LRP1B: variants seen among roughly 807,000 people sequenced by gnomAD.
LRP1B encodes LDL receptor related protein 1B, also known as low-density lipoprotein receptor-related protein 1B.
Under a neutral mutation model 556.6 loss-of-function variants are expected in LRP1B, and 217 were observed. The observed-to-expected ratio is 0.39, with a 90% confidence interval of 0.35 to 0.44. The LOEUF (loss-of-function observed/expected upper bound fraction) is 0.44. Ranked by LOEUF, LRP1B falls within the 20% of genes least tolerant of loss-of-function variation. The pLI is 1.00. For synonymous variants in LRP1B, 2,047 were observed against 1,865.8 expected, an observed-to-expected ratio of 1.10 and a Z score of -2.50; for missense variants, 5,053 against 5,620.8, an observed-to-expected ratio of 0.90 and a Z score of 3.23.
At chr2:141,925,171 C>A (rs1414918799) in intron 1 of LRP1B, among the ~76,000 whole-genome samples, 1 of 152,060 alleles carries the variant, frequency 6.6e-6, no homozygotes, top group African/African-American at 2.4e-5. Context: ...TAAATTCATA[C>A]GGTAATTTGA....
At chr2:141,542,665 T>G (rs1019020052) in intron 2 of LRP1B, among the ~76,000 whole-genome samples, 2 of 152,162 alleles carry the variant, frequency 1.3e-5, no homozygotes, top group African/African-American at 4.8e-5. Flanking sequence ...CTGTTAATCA[T>G]GTAAAGGTCT....
At chr2:140,489,929 G>A (rs928476045) in intron 57 of LRP1B, among the ~76,000 whole-genome samples, 1 of 151,940 alleles carries the variant, frequency 6.6e-6, no homozygotes, top group African/African-American at 2.4e-5. Context: ...CAGAAAAATG[G>A]AAGCTCTAAA....
intron 1 of LRP1B, among the ~76,000 whole-genome samples, chr2:141,881,145 T>TA (rs1228418922): frequency 6.6e-6 from 1 of 152,010 alleles, no homozygotes; most frequent in Non-Finnish European, 1.5e-5. Context: ...TTAAATATGG[T>TA]ATGGCTCCAA....
chr2:140,392,326 C>T (rs1426109732), intron 66 of LRP1B, among the ~76,000 whole-genome samples: 4 of 152,044 alleles, frequency 2.6e-5, no homozygotes, highest in African/African-American at 7.2e-5. Flanking sequence ...GCAATCTAAA[C>T]GCTGAGTTTA....
intron 74 of LRP1B, 46 bp from the exon 75 acceptor site, chr2:140,356,522 G>A (rs2105130833): frequency 7.4e-7 from 1 of 1,347,364 alleles, no homozygotes; most frequent in Non-Finnish European, 1.0e-6. Flanking sequence ...TCTAATTCCT[G>A]AAGTGGGGAG....
intron 2 of LRP1B, among the ~76,000 whole-genome samples, chr2:141,578,122 G>A (rs12620304): frequency 0.26 from 39,943 of 152,052 alleles, 6,147 homozygotes; most frequent in East Asian, 0.59. Flanking sequence ...TCAGCTGGGC[G>A]CAGTGCCTCA....
chr2:140,758,168 C>T lies in LRP1B; in HGVS notation c.5758+11045G>A, dbSNP rs548163441. ...AAAACTTAGAAACAATCCAAATATC[C>T]AAAAGTATTGGAAAGGTTAAAAATT... On this transcript the variant is annotated intron_variant, in intron 35 of 90. Transcript: ENST00000389484. Among the ~76,000 whole-genome samples, 10 of 151,884 alleles carry T rather than the reference C, an allele frequency of 6.6e-5. No individual in the cohort carries two copies. The South Asian group carries it at 1.9e-3, about 28-fold the overall frequency.
chr2:141,800,535 A>T (rs1695975836), intron 2 of LRP1B, among the ~76,000 whole-genome samples: 1 of 152,170 alleles, frequency 6.6e-6, no homozygotes. Context: ...TGCAATATTT[A>T]TGTCACTCCA....
At position 141,549,877 on chromosome 2, in the gene LRP1B, C is replaced by T. The variant is rs891793021; in HGVS notation, c.206-69344G>A. Among the ~76,000 whole-genome samples, 7 of 152,110 alleles carry T rather than the reference C, an allele frequency of 4.6e-5. 1 individual carries two copies. The highest frequency in any genetic ancestry group is 2.6e-4 in the Admixed American group (4 of 15,262). On this transcript the variant is annotated intron_variant, in intron 2 of 90. Transcript: ENST00000389484. ...GGGCGTGGTGGTGCATGCCCATAAT[C>T]CCAGCTACTCAGGAGGCTGAGGCAG...
At chr2:140,597,148 T>TA (rs1366392430) in intron 43 of LRP1B, among the ~76,000 whole-genome samples, 1 of 152,196 alleles carries the variant, frequency 6.6e-6, no homozygotes, top group African/African-American at 2.4e-5. Context: ...AAGAATGCAG[T>TA]AAACTTTGAA....
chr2:141,460,074 T>G, intron 3 of LRP1B, among the ~76,000 whole-genome samples: 1 of 152,170 alleles, frequency 6.6e-6, no homozygotes, highest in East Asian at 1.9e-4. Context: ...AACCTAAATT[T>G]TAGCTGCTTC....
intron 20 of LRP1B, among the ~76,000 whole-genome samples, chr2:140,926,260 T>C (rs946775198): frequency 1.8e-4 from 27 of 152,106 alleles, no homozygotes; most frequent in Admixed American, 1.6e-3. Flanking sequence ...ATCATTAATG[T>C]GTAACTCCTT....
intron 43 of LRP1B, among the ~76,000 whole-genome samples, chr2:140,575,527 T>C: frequency 6.6e-6 from 1 of 152,194 alleles, no homozygotes; most frequent in Non-Finnish European, 1.5e-5. Context: ...TTACTTTTAG[T>C]TCTACATATT....
intron 1 of LRP1B, among the ~76,000 whole-genome samples, chr2:142,094,930 A>C (rs1706304936): frequency 6.6e-6 from 1 of 151,864 alleles, no homozygotes; most frequent in South Asian, 2.1e-4. Flanking sequence ...ATATTCTCTC[A>C]GATGCCATGT....
intron 1 of LRP1B, among the ~76,000 whole-genome samples, chr2:141,832,364 C>A (rs954456516): frequency 6.9e-6 from 1 of 145,178 alleles, no homozygotes; most frequent in South Asian, 2.1e-4. Context: ...CACACACACA[C>A]AATTTGTTAA....
At chr2:140,795,769 C>A (rs550439201) in intron 32 of LRP1B, among the ~76,000 whole-genome samples, 212 of 152,180 alleles carry the variant, frequency 1.4e-3, no homozygotes, top group African/African-American at 4.8e-3. Flanking sequence ...CAGTTTAAGA[C>A]AATTAAACTC....
rs115394045 is a variant in LRP1B at position 140,791,920 on chromosome 2, T to C, written c.5360-15682A>G. Among the ~76,000 whole-genome samples, 632 of 152,320 alleles carry C rather than the reference T, an allele frequency of 4.1e-3. 2 individuals are homozygous for C. Among genetic ancestry groups the C allele is most frequent in the Middle Eastern group, 6.8e-3 (2 of 294 alleles). On this transcript the variant is annotated intron_variant, in intron 32 of 90. Transcript: ENST00000389484. Reference sequence around the variant, plus strand: ...AAGAATTCTTTGCCTTCCTTTTTTCTACCTGAAAGTAGGGCGTAAATTTCC... The same window carrying C: ...AAGAATTCTTTGCCTTCCTTTTTTCCACCTGAAAGTAGGGCGTAAATTTCC...
chr2:141,096,386 A>G (rs1183512017), intron 7 of LRP1B, among the ~76,000 whole-genome samples: 2 of 152,020 alleles, frequency 1.3e-5, no homozygotes, highest in African/African-American at 4.8e-5. Flanking sequence ...TCAGGAGTTC[A>G]AGACCAGCCT....
chr2:141,014,965 T>C (rs998084412), intron 13 of LRP1B, among the ~76,000 whole-genome samples: 3 of 152,114 alleles, frequency 2.0e-5, no homozygotes, highest in African/African-American at 7.2e-5. Context: ...GCAGGTTTTC[T>C]TTCCAAAAAG....
Sources: allele counts gnomAD v4.1 joint callset (sites outside exome capture counted in the v4.1 genomes callset), GRCh38; gene constraint gnomAD v4.1.1; transcripts MANE v1.5; gene names NCBI Gene and HGNC (gene_info 2026-07-23, HGNC 2026-07-21).